The following IGSF21 variants were observed in gnomAD, a reference collection of about 807,000 sequenced individuals.
IGSF21 encodes the protein immunoglobulin superfamily member 21.
Under a neutral mutation model 46.8 loss-of-function variants are expected in IGSF21, and 28 were observed. That is an observed-to-expected ratio of 0.60 (90% CI 0.44 to 0.82). The LOEUF (loss-of-function observed/expected upper bound fraction) is 0.82. Ranked by LOEUF, IGSF21 falls within the 40% of genes least tolerant of loss-of-function variation. IGSF21 has a pLI of 0.00. For missense variants in IGSF21, 624 were observed against 665.5 expected, an observed-to-expected ratio of 0.94 and a Z score of 0.69; for synonymous variants, 284 against 273.6, an observed-to-expected ratio of 1.04 and a Z score of -0.38.
At chr1:18,375,043 C>G (rs2086266901) in intron 6 of IGSF21, among the ~76,000 whole-genome samples, 1 of 152,172 alleles carries the variant, frequency 6.6e-6, no homozygotes, top group Non-Finnish European at 1.5e-5. Context: ...CTTCACAGCT[C>G]AGCTTAAATG....
chr1:18,288,563 C>T (rs1026793582), intron 2 of IGSF21, among the ~76,000 whole-genome samples: 1 of 152,216 alleles, frequency 6.6e-6, no homozygotes, highest in East Asian at 1.9e-4. Flanking sequence ...GGCGAGGTGT[C>T]TTCCAGCACA....
chr1:18,191,284 G>C (rs1176648965), intron 1 of IGSF21, among the ~76,000 whole-genome samples: 2 of 152,122 alleles, frequency 1.3e-5, no homozygotes, highest in African/African-American at 4.8e-5. Flanking sequence ...GTCTCACCAG[G>C]TTACTATGGG....
chr1:18,201,206 G>C (rs961087872), intron 1 of IGSF21, among the ~76,000 whole-genome samples: 3 of 152,144 alleles, frequency 2.0e-5, no homozygotes, highest in African/African-American at 7.2e-5. Context: ...CTGGGAGACT[G>C]AGTCAGGGAC....
chr1:18,377,903 C>T (rs1304262900), intron 9 of IGSF21, among the ~76,000 whole-genome samples: 3 of 152,170 alleles, frequency 2.0e-5, no homozygotes, highest in Non-Finnish European at 4.4e-5. Context: ...CCTGGGCATC[C>T]CCCAACCTGC....
intron 1 of IGSF21, among the ~76,000 whole-genome samples, chr1:18,188,950 T>A (rs2124474631): frequency 6.6e-6 from 1 of 152,338 alleles, no homozygotes; most frequent in East Asian, 1.9e-4. Context: ...AACCCTCTGC[T>A]GCTGCAGGGG....
At chr1:18,145,958 G>T (rs2086462213) in intron 1 of IGSF21, among the ~76,000 whole-genome samples, 1 of 152,110 alleles carries the variant, frequency 6.6e-6, no homozygotes, top group African/African-American at 2.4e-5. Flanking sequence ...GCCTAGCTTG[G>T]TCTTTTAGGG....
intron 3 of IGSF21, among the ~76,000 whole-genome samples, chr1:18,294,858 C>T (rs997514287): frequency 6.6e-6 from 1 of 152,268 alleles, no homozygotes; most frequent in Non-Finnish European, 1.5e-5. Context: ...GCGACTGCCT[C>T]TTCAGGCTGC....
rs551672247 is a variant in IGSF21 at position 18,269,649 on chromosome 1, T to C, written c.184-22217T>C. Reference sequence around the variant, plus strand: ...ATTCCTCAAGACCAGTAAGTATACATGTGCACCGGACCAGCAGCTCCTAGT... The same window carrying C: ...ATTCCTCAAGACCAGTAAGTATACACGTGCACCGGACCAGCAGCTCCTAGT... On this transcript the variant is annotated intron_variant, in intron 2 of 9. Coordinates refer to ENST00000251296, the MANE Select transcript of IGSF21 (RefSeq NM_032880.5). Among the ~76,000 whole-genome samples, 3 of 152,244 alleles carry C rather than the reference T, an allele frequency of 2.0e-5. No individual in the cohort carries two copies. In the East Asian group the frequency reaches 5.8e-4, roughly 29 times the overall value.
chr1:18,230,357 G>A (rs780157800), intron 2 of IGSF21, among the ~76,000 whole-genome samples: 89 of 152,276 alleles, frequency 5.8e-4, no homozygotes, highest in Middle Eastern at 3.4e-3. Context: ...AGAATCAGTG[G>A]CATCTCTTAC....
At chr1:18,256,718 T>C (rs223181) in intron 2 of IGSF21, among the ~76,000 whole-genome samples, 30,823 of 152,138 alleles carry the variant, frequency 0.2, 3,470 homozygotes, top group African/African-American at 0.3. Context: ...CGTTACCTCC[T>C]GGTACCATAT....
At position 18,290,532 on chromosome 1, in the gene IGSF21, G is replaced by A. The variant is rs1006333254; in HGVS notation, c.184-1334G>A. ...TTACAAAGCTTGCAGGCTATGGAAA[G>A]TGACTGGCACAGACGTAGCCTGTGT... On this transcript the variant is annotated intron_variant, in intron 2 of 9. Transcript: ENST00000251296. The surrounding 1 kb of genome is among the most constrained non-coding windows in gnomAD (Gnocchi z 4.2). Among the ~76,000 whole-genome samples the A allele has an allele frequency of 6.6e-6, 1 of 152,198 alleles. No individual in the cohort carries two copies. Among genetic ancestry groups the A allele is most frequent in the African/African-American group, 2.4e-5 (1 of 41,456 alleles).
In IGSF21 at chr1:18,246,591, C is replaced by T. The variant is rs779856467; in HGVS notation, c.183+18581C>T. Among the ~76,000 whole-genome samples, 6 of 152,172 alleles carry T rather than the reference C, an allele frequency of 3.9e-5. No individual in the cohort carries two copies. The South Asian group carries it at 6.2e-4, about 16-fold the overall frequency. On this transcript the variant is annotated intron_variant, in intron 2 of 9. Coordinates refer to ENST00000251296, the MANE Select transcript of IGSF21 (RefSeq NM_032880.5). The stretch of plus-strand genomic sequence containing the variant: ...GGAGTCCCTGGAGTTACACCCTACA[C>T]GGGGTGCCTGACTGAGAAGGCAGAG...
rs993154739 is a variant in IGSF21, at chr1:18,377,340, T to C, written c.1295-53T>C. 17 of 1,526,812 alleles carry C rather than the reference T, an allele frequency of 1.1e-5. No individual in the cohort carries two copies. In the Admixed American group the frequency reaches 1.8e-4, roughly 16 times the overall value. 94.6% of individuals were successfully genotyped at this position (1,526,812 alleles called of 1,614,324 possible). A position where few individuals can be genotyped will look rare whatever the true frequency, so the allele number is the denominator to read the frequency against. ...GCTGGGTAAAGGGCCATTCCTTCCC[T>C]GAGCTCTGAAGGCCATCCACCCTTT... On this transcript the variant is annotated intron_variant, in intron 8 of 9. Transcript: ENST00000251296.
At chr1:18,240,000 A>C (rs1262505888) in intron 2 of IGSF21, among the ~76,000 whole-genome samples, 1 of 152,222 alleles carries the variant, frequency 6.6e-6, no homozygotes, top group East Asian at 1.9e-4. Flanking sequence ...CTGGGCACAC[A>C]CAGGCTGTGG....
At chr1:18,345,852 T>C (rs539005259) in intron 4 of IGSF21, among the ~76,000 whole-genome samples, 26 of 152,308 alleles carry the variant, frequency 1.7e-4, no homozygotes. Context: ...AGAACTAGAA[T>C]TCAAACCCAG....
intron 1 of IGSF21, among the ~76,000 whole-genome samples, chr1:18,170,903 T>C (rs1337310247): frequency 6.6e-6 from 1 of 152,140 alleles, no homozygotes; most frequent in East Asian, 1.9e-4. Context: ...AGGAAGGGCT[T>C]CATGGAGCAG....
intron 2 of IGSF21, among the ~76,000 whole-genome samples, chr1:18,229,075 T>C (rs1448718185): frequency 3.3e-5 from 5 of 152,246 alleles, no homozygotes; most frequent in Admixed American, 6.5e-5. Flanking sequence ...GAACAGGCTA[T>C]AGAATGACTT....
At chr1:18,248,089 T>A (rs1423673350) in intron 2 of IGSF21, among the ~76,000 whole-genome samples, 2 of 152,190 alleles carry the variant, frequency 1.3e-5, no homozygotes, top group Non-Finnish European at 2.9e-5. Context: ...CAAGGAGGAT[T>A]TTTCCTCTAG....
intron 1 of IGSF21, among the ~76,000 whole-genome samples, chr1:18,123,401 A>G (rs1056277943): frequency 1.3e-5 from 2 of 152,234 alleles, no homozygotes; most frequent in Admixed American, 1.3e-4. Context: ...TGCACCAAGC[A>G]TCTGCTCTGG....
Sources: gnomAD v4.1 joint callset for allele counts (sites outside exome capture counted in the v4.1 genomes callset) on GRCh38, gnomAD v4.1.1 for gene constraint, Gnocchi (gnomAD v3.1) non-coding constraint, MANE v1.5 for transcripts, NCBI Gene and HGNC (gene_info 2026-07-23, HGNC 2026-07-21) for gene names.